Variants in SDK1 observed in about 807,000 individuals in gnomAD.
The protein encoded by SDK1 is protein sidekick-1.
In SDK1, 157 loss-of-function variants were observed where a neutral mutation model predicts 245.5. The observed-to-expected ratio is 0.64, with a 90% confidence interval of 0.56 to 0.73. The LOEUF (loss-of-function observed/expected upper bound fraction) is 0.73. Among genes scored for constraint, SDK1 ranks in the 30% least tolerant of loss-of-function variants. The pLI is 0.00. For synonymous variants in SDK1, 1,647 were observed against 1,278.5 expected (o/e 1.29, Z -6.15); for missense variants, 3,583 against 3,002.3 (o/e 1.19, Z -4.52).
chr7:3,711,095 G>A (rs1785037310), intron 4 of SDK1, among the ~76,000 whole-genome samples: 1 of 152,150 alleles, frequency 6.6e-6, no homozygotes, highest in South Asian at 2.1e-4. Context: ...AAGGAAAATA[G>A]TTTCGTATCC....
intron 2 of SDK1, among the ~76,000 whole-genome samples, chr7:3,620,093 A>G (rs1481940920): frequency 6.6e-6 from 1 of 152,186 alleles, no homozygotes; most frequent in African/African-American, 2.4e-5. Flanking sequence ...GAAATAAGAA[A>G]GAGTGGGCTG....
intron 35 of SDK1, among the ~76,000 whole-genome samples, chr7:4,204,844 G>A (rs1158731904): frequency 2.0e-5 from 3 of 152,188 alleles, no homozygotes; most frequent in Non-Finnish European, 4.4e-5. Flanking sequence ...AGAATAGGCC[G>A]TCAAGAGAAA....
rs537818225 is a variant in SDK1, at chr7:3,669,949, G to T, written c.713+27844G>T. 5.3e-5 allele frequency among the ~76,000 whole-genome samples: 8 copies of T among 152,240 alleles called. No homozygotes were observed. In the South Asian group the frequency reaches 1.7e-3, roughly 32 times the overall value. On this transcript the variant is annotated intron_variant, in intron 4 of 44. Transcript: ENST00000404826. The stretch of plus-strand genomic sequence containing the variant: ...ACACTGCCATCCAACAGTTGCCCAA[G>T]CAAGAACCAAGGAATTATCCTTGAT...
At position 4,128,082 on chromosome 7, in the gene SDK1, C is replaced by G. The variant is rs570303176; in HGVS notation, c.3939+586C>G. Reference sequence around the variant, plus strand: ...GCATCCACCCCACCCCTTTAAAACCCCCTTCTGTTCCTCGTTCCATCACTC... The same window carrying G: ...GCATCCACCCCACCCCTTTAAAACCGCCTTCTGTTCCTCGTTCCATCACTC... On this transcript the variant is annotated intron_variant, in intron 26 of 44. Coordinates refer to ENST00000404826, the MANE Select transcript of SDK1 (RefSeq NM_152744.4). Among the ~76,000 whole-genome samples, 13 of 152,296 alleles carry G rather than the reference C, an allele frequency of 8.5e-5. No individual in the cohort carries two copies. The East Asian group carries it at 2.5e-3, about 29-fold the overall frequency.
At chr7:3,638,441 A>G (rs1214742685) in intron 2 of SDK1, among the ~76,000 whole-genome samples, 1 of 151,912 alleles carries the variant, frequency 6.6e-6, no homozygotes, top group Non-Finnish European at 1.5e-5. Context: ...ACACCATGGA[A>G]TACTATGCAG....
chr7:3,521,487 C>T (rs766705157), intron 1 of SDK1, among the ~76,000 whole-genome samples: 3 of 152,130 alleles, frequency 2.0e-5, no homozygotes, highest in Non-Finnish European at 4.4e-5. Flanking sequence ...AGACCATAAG[C>T]GTCATAGTCC....
intron 35 of SDK1, among the ~76,000 whole-genome samples, chr7:4,199,231 C>T (rs777860040): frequency 4.6e-5 from 7 of 152,124 alleles, no homozygotes; most frequent in Non-Finnish European, 1.0e-4. Flanking sequence ...GGAGGAACAC[C>T]ACCGCTTGTG....
chr7:4,036,129 A>G (rs1184263013), intron 17 of SDK1, among the ~76,000 whole-genome samples: 1 of 152,208 alleles, frequency 6.6e-6, no homozygotes, highest in Non-Finnish European at 1.5e-5. Context: ...TGAAAGCCGC[A>G]ATTGACAAGA....
chr7:3,855,282 G>T (rs1414876043), intron 5 of SDK1, among the ~76,000 whole-genome samples: 2 of 151,952 alleles, frequency 1.3e-5, no homozygotes, highest in African/African-American at 4.8e-5. Flanking sequence ...GCTGGGGAAT[G>T]ACAACACCAT....
At chr7:3,338,194 C>G (rs1780253049) in intron 1 of SDK1, 1 of 263,526 alleles carries the variant, frequency 3.8e-6, no homozygotes, top group Non-Finnish European at 7.4e-6. Context: ...AAAACATGGA[C>G]TTGTTCTTTT....
chr7:3,540,558 G>A (rs1321118941), intron 1 of SDK1, among the ~76,000 whole-genome samples: 1 of 152,192 alleles, frequency 6.6e-6, no homozygotes, highest in Non-Finnish European at 1.5e-5. Flanking sequence ...TTTAAGGAAG[G>A]CTGGTCAAGG....
At chr7:3,987,052 T>C in intron 13 of SDK1, 134 bp from the exon 14 acceptor site, 1 of 814,098 alleles carries the variant, frequency 1.2e-6, no homozygotes, top group Non-Finnish European at 2.0e-6. Flanking sequence ...AGTTAATATT[T>C]GTGTTTGGGC....
At chr7:3,540,803 T>C (rs1419204330) in intron 1 of SDK1, among the ~76,000 whole-genome samples, 1 of 152,236 alleles carries the variant, frequency 6.6e-6, no homozygotes, top group Admixed American at 6.5e-5. Flanking sequence ...AAAGCCATCA[T>C]TCGTATATCT....
intron 5 of SDK1, among the ~76,000 whole-genome samples, chr7:3,877,425 A>T (rs1369743127): frequency 6.6e-6 from 1 of 152,214 alleles, no homozygotes; most frequent in Admixed American, 6.5e-5. Context: ...AGAGAGAACA[A>T]CCGTGTTCCC....
intron 4 of SDK1, among the ~76,000 whole-genome samples, chr7:3,676,307 T>G (rs1783893542): frequency 6.8e-6 from 1 of 148,070 alleles, no homozygotes; most frequent in Admixed American, 6.8e-5. Context: ...GTACCACACC[T>G]GGCCTCTTCT....
At chr7:3,475,184 G>T (rs1328788771) in intron 1 of SDK1, among the ~76,000 whole-genome samples, 4 of 152,086 alleles carry the variant, frequency 2.6e-5, no homozygotes, top group Non-Finnish European at 4.4e-5. Context: ...TTAGTTCCAG[G>T]GTCTGGAACC....
intron 1 of SDK1, among the ~76,000 whole-genome samples, chr7:3,416,871 G>A (rs1375060854): frequency 6.6e-6 from 1 of 152,114 alleles, no homozygotes; most frequent in African/African-American, 2.4e-5. Context: ...AACCTAGAAA[G>A]TGATAAAAGT....
intron 35 of SDK1, among the ~76,000 whole-genome samples, chr7:4,186,016 C>G (rs774049464): frequency 2.0e-5 from 3 of 152,180 alleles, no homozygotes; most frequent in African/African-American, 7.2e-5. Flanking sequence ...AGCAAGGCTT[C>G]CTGTCCAGAG....
intron 1 of SDK1, among the ~76,000 whole-genome samples, chr7:3,356,753 G>A (rs889497896): frequency 1.3e-5 from 2 of 151,872 alleles, no homozygotes; most frequent in Non-Finnish European, 1.5e-5. Context: ...GCGTTCTTTT[G>A]TACAAAAAAT....
Sources: gnomAD v4.1 joint callset for allele counts (sites outside exome capture counted in the v4.1 genomes callset) on GRCh38, gnomAD v4.1.1 for gene constraint, MANE v1.5 for transcripts, NCBI Gene and HGNC (gene_info 2026-07-23, HGNC 2026-07-21) for gene names.